Variants in DGCR2 observed in about 807,000 individuals in gnomAD.
DGCR2 encodes DiGeorge syndrome critical region gene 2, also known as integral membrane protein DGCR2/IDD.
DGCR2 carries 24 observed loss-of-function variants against 51.6 expected under a neutral mutation model. The observed-to-expected ratio is 0.47, with a 90% CI of 0.34 to 0.65. The LOEUF is 0.65. DGCR2 is among the 30% of genes least tolerant of loss of function. DGCR2 has a pLI of 0.01. For missense variants in DGCR2, 765 were observed against 772.1 expected (o/e 0.99, Z 0.11); for synonymous variants, 340 against 315.4 (o/e 1.08, Z -0.82).
chr22:19,100,952 A>G (rs1221198740), intron 1 of DGCR2, among the ~76,000 whole-genome samples: 1 of 151,924 alleles, frequency 6.6e-6, no homozygotes, highest in Non-Finnish European at 1.5e-5. Context: ...CAAAAAATAC[A>G]AAAATCAGCC....
At position 19,089,420 on chromosome 22, in the gene DGCR2, C is replaced by G. The variant is rs1318530872; in HGVS notation, c.150G>C (p.Gln50His). 2.5e-6 allele frequency: 4 copies of G among 1,610,640 alleles called. No individual in the cohort carries two copies. The South Asian group carries it at 4.4e-5, about 18-fold the overall frequency. Residue 50 changes from glutamine to histidine, a missense_variant, in exon 2 of 10, where the codon CAG (glutamine) becomes CAC (histidine). By Grantham distance (24) the Gln-to-His change is conservative. Transcript: ENST00000263196. ...CCTCGCAAGTCGCCCAGCCGTCACA[C>G]TGCCAGGGGAGGGGGATGCACTGGA... ...GTIQCIPLPWQCDGWATCEDE... is the reference protein window; with the variant it reads ...GTIQCIPLPWHCDGWATCEDE...
At chr22:19,085,016 A>T (rs1400497968) in intron 2 of DGCR2, among the ~76,000 whole-genome samples, 20 of 152,064 alleles carry the variant, frequency 1.3e-4, no homozygotes, top group Admixed American at 1.3e-3. Flanking sequence ...AAGATTGAGA[A>T]ATCGGATGGT....
chr22:19,112,866 T>A lies in DGCR2; in HGVS notation c.79+9262A>T, dbSNP rs907163744. 2.1e-5 allele frequency among the ~76,000 whole-genome samples: 3 copies of A among 143,848 alleles called. 1 individual carries two copies. Among genetic ancestry groups the A allele is most frequent in the Admixed American group, 1.4e-4 (2 of 14,376 alleles). 94.4% of individuals were successfully genotyped at this position (143,848 alleles called of 152,430 possible). ...TGAAAACACAAAGAGCTAAAAAAAA[T>A]TAAATTAAATTAAATTCTACTTAAT... On this transcript the variant is annotated intron_variant, in intron 1 of 9. Coordinates refer to ENST00000263196, the MANE Select transcript of DGCR2 (RefSeq NM_005137.3).
At chr22:19,039,714 C>T (rs1422778653) in intron 9 of DGCR2, among the ~76,000 whole-genome samples, 1 of 151,942 alleles carries the variant, frequency 6.6e-6, no homozygotes, top group Non-Finnish European at 1.5e-5. Flanking sequence ...ATCTTTATTA[C>T]TTGCTTTTTT....
intron 1 of DGCR2, among the ~76,000 whole-genome samples, chr22:19,117,080 A>G (rs1290735647): frequency 6.6e-6 from 1 of 152,188 alleles, no homozygotes; most frequent in African/African-American, 2.4e-5. Flanking sequence ...GGACACACAC[A>G]GATCACTCAC....
At chr22:19,060,300 C>A (rs1179284923) in intron 5 of DGCR2, among the ~76,000 whole-genome samples, 1 of 152,198 alleles carries the variant, frequency 6.6e-6, no homozygotes, top group Middle Eastern at 3.2e-3. Context: ...ACCATACAAT[C>A]CCTCAGGTAC....
rs2082391849 is a variant in DGCR2 at position 19,038,232 on chromosome 22, C to T, written c.*633G>A. The T allele has an allele frequency of 6.5e-6, 1 of 153,166 alleles. No individual in the cohort carries two copies. The highest frequency in any genetic ancestry group is 6.5e-5 in the Admixed American group (1 of 15,442). 9.5% of individuals were successfully genotyped at this position (153,166 alleles called of 1,614,324 possible). A position where few individuals can be genotyped will look rare whatever the true frequency, so the allele number is the denominator to read the frequency against. On this transcript the variant is annotated 3_prime_UTR_variant, in exon 10 of 10. Coordinates refer to ENST00000263196, the MANE Select transcript of DGCR2 (RefSeq NM_005137.3). ...AGAGCTCAACCTCCTTCCAAGCTCT[C>T]CTTCTCAGGGCTTCAGGTTCCAGAG...
intron 1 of DGCR2, among the ~76,000 whole-genome samples, chr22:19,116,608 A>G (rs972589114): frequency 6.6e-6 from 1 of 152,218 alleles, no homozygotes; most frequent in Non-Finnish European, 1.5e-5. Flanking sequence ...GCACCCAAAC[A>G]TAACAGCACA....
intron 9 of DGCR2, among the ~76,000 whole-genome samples, chr22:19,040,598 G>A (rs1187156923): frequency 2.0e-5 from 3 of 152,192 alleles, no homozygotes; most frequent in Admixed American, 1.3e-4. Flanking sequence ...CAGAAGCCAC[G>A]CTTTCCTCCC....
At chr22:19,042,682 G>A (rs541297999) in intron 7 of DGCR2, among the ~76,000 whole-genome samples, 1 of 152,342 alleles carries the variant, frequency 6.6e-6, no homozygotes, top group African/African-American at 2.4e-5. Context: ...GGGAATGACA[G>A]AGGCCTGGAC....
chr22:19,092,487 C>T (rs2083089811), intron 1 of DGCR2, among the ~76,000 whole-genome samples: 1 of 152,030 alleles, frequency 6.6e-6, no homozygotes, highest in Non-Finnish European at 1.5e-5. Context: ...GGATGAAATA[C>T]ACAAATTCTT....
At chr22:19,046,777 T>A in intron 7 of DGCR2, 1 of 444,712 alleles carries the variant, frequency 2.2e-6, no homozygotes, top group South Asian at 1.6e-5. Flanking sequence ...GAGAGAGGGC[T>A]GCAGCTGCTC....
chr22:19,060,608 G>T, intron 5 of DGCR2: 1 of 212,266 alleles, frequency 4.7e-6, no homozygotes, highest in South Asian at 5.7e-5. Context: ...AAGGCCCTGG[G>T]AGCAGCACGT....
chr22:19,120,792 T>C (rs770257876), intron 1 of DGCR2, among the ~76,000 whole-genome samples: 29 of 152,180 alleles, frequency 1.9e-4, no homozygotes, highest in Non-Finnish European at 2.5e-4. Context: ...CACAAACCCA[T>C]TGGTTCTGAC....
At chr22:19,043,017 T>C (rs1190626903) in intron 7 of DGCR2, among the ~76,000 whole-genome samples, 4 of 151,778 alleles carry the variant, frequency 2.6e-5, no homozygotes, top group Admixed American at 1.3e-4. Context: ...CACCCACACA[T>C]TGGGTACACA....
At chr22:19,084,333 C>T (rs1368354149) in intron 2 of DGCR2, among the ~76,000 whole-genome samples, 4 of 151,904 alleles carry the variant, frequency 2.6e-5, no homozygotes, top group Admixed American at 6.6e-5. Flanking sequence ...TGCCCCGCCG[C>T]CCCGTCTGGG....
chr22:19,097,263 G>A (rs986853901), intron 1 of DGCR2, among the ~76,000 whole-genome samples: 1 of 152,032 alleles, frequency 6.6e-6, no homozygotes, highest in Non-Finnish European at 1.5e-5. Context: ...ATATAGATAT[G>A]TAAGTGAAAC....
chr22:19,067,783 C>G (rs1453641510), intron 3 of DGCR2, among the ~76,000 whole-genome samples: 1 of 152,194 alleles, frequency 6.6e-6, no homozygotes, highest in African/African-American at 2.4e-5. Context: ...AGCTGGTTTC[C>G]TCATTTATAA....
At chr22:19,091,008 A>G (rs2854655) in intron 1 of DGCR2, among the ~76,000 whole-genome samples, 62,611 of 110,926 alleles carry the variant, frequency 0.56, 13,345 homozygotes, top group African/African-American at 0.64. Context: ...GGCATAAATA[A>G]GAGAAAATAA....
Sources: gnomAD v4.1 joint callset for allele counts (sites outside exome capture counted in the v4.1 genomes callset) on GRCh38, gnomAD v4.1.1 for gene constraint, MANE v1.5 for transcripts, NCBI Gene and HGNC (gene_info 2026-07-23, HGNC 2026-07-21) for gene names.